The following WDR41 variants were observed in gnomAD, a reference collection of about 807,000 sequenced individuals.
WDR41 encodes the protein WD repeat domain 41.
Under a neutral mutation model 69.3 loss-of-function variants are expected in WDR41, and 63 were observed. The ratio of observed to expected loss-of-function variants is 0.91; its 90% confidence interval spans 0.74 to 1.12. The LOEUF (loss-of-function observed/expected upper bound fraction) is 1.12, where lower values mean the gene tolerates loss of function less well. Ranked by LOEUF, WDR41 falls within the 50% of genes most tolerant of loss-of-function variation. The pLI, the probability that WDR41 is intolerant of heterozygous loss-of-function variation, is 0.00. For missense variants in WDR41, 543 were observed against 534.5 expected (o/e 1.02, Z -0.16); for synonymous variants, 185 against 192.1 (o/e 0.96, Z 0.31).
intron 1 of WDR41, among the ~76,000 whole-genome samples, chr5:77,581,872 G>T (rs748391533): frequency 1.3e-5 from 2 of 152,042 alleles, no homozygotes; most frequent in Non-Finnish European, 2.9e-5. Context: ...ATACATAGCT[G>T]CAAAAGCCCA....
intron 1 of WDR41, among the ~76,000 whole-genome samples, chr5:77,564,159 A>C (rs1445727227): frequency 6.6e-6 from 1 of 152,194 alleles, no homozygotes; most frequent in African/African-American, 2.4e-5. Flanking sequence ...TCCATCCCCT[A>C]AAAGAGACCT....
chr5:77,499,137 A>G (rs561104323), intron 1 of WDR41, among the ~76,000 whole-genome samples: 1 of 152,382 alleles, frequency 6.6e-6, no homozygotes, highest in South Asian at 2.1e-4. Context: ...GAACACAACT[A>G]TAAACCTTGA....
At chr5:77,484,951 G>A (rs13165079) in intron 2 of WDR41, among the ~76,000 whole-genome samples, 334 of 152,300 alleles carry the variant, frequency 2.2e-3, no homozygotes, top group Non-Finnish European at 2.7e-3. Context: ...CCAGGTGCAT[G>A]TTCTTCATGA....
intron 1 of WDR41, among the ~76,000 whole-genome samples, chr5:77,507,495 C>A (rs1483682824): frequency 1.3e-5 from 2 of 152,180 alleles, no homozygotes; most frequent in African/African-American, 4.8e-5. Flanking sequence ...TAGATGAGCA[C>A]TAGCACTAAA....
chr5:77,457,559 T>C (rs1385008023), intron 5 of WDR41, among the ~76,000 whole-genome samples: 2 of 152,132 alleles, frequency 1.3e-5, no homozygotes, highest in Non-Finnish European at 2.9e-5. Context: ...ACTGGATTAA[T>C]GCATATAATA....
In WDR41 at chr5:77,440,931, A is replaced by G. The variant is rs1799134630; in HGVS notation, c.764T>C (p.Met255Thr). 1 of 1,614,056 alleles carries G rather than the reference A, an allele frequency of 6.2e-7. No homozygotes were observed. Among genetic ancestry groups the G allele is most frequent in the African/African-American group, 1.3e-5 (1 of 74,922 alleles). Residue 255 changes from methionine (M) to threonine (T), a missense_variant, in exon 9 of 13, where the codon ATG becomes ACG. Physicochemically the swap from Met to Thr is moderately conservative, Grantham distance 81. Transcript: ENST00000296679. Reference protein sequence around the residue: ...LIIWDALDWTMQAYERNFWDP... With the variant: ...LIIWDALDWTTQAYERNFWDP... Reference sequence around the variant, plus strand: ...CCAGAAGTTGCGTTCATAGGCCTGCATGGTCCAGTCCAGGGCATCCCAGAT... The same window carrying G: ...CCAGAAGTTGCGTTCATAGGCCTGCGTGGTCCAGTCCAGGGCATCCCAGAT...
rs1799146853 is a variant in WDR41, at chr5:77,441,147, A to T, written c.698-150T>A. The T allele has an allele frequency of 1.2e-5, 9 of 720,006 alleles. 1 individual carries two copies. In the East Asian group the frequency reaches 2.5e-4, roughly 20 times the overall value. 44.6% of individuals were successfully genotyped at this position (720,006 alleles called of 1,614,324 possible). ...AAGCCAACAGAAAGATTAATGTAAC[A>T]GAATAAGAAGGCCAGAAATAGACTC... On this transcript the variant is annotated intron_variant, in intron 8 of 12. Transcript: ENST00000296679.
intron 2 of WDR41, among the ~76,000 whole-genome samples, chr5:77,465,478 G>C (rs1346331018): frequency 6.6e-6 from 1 of 152,006 alleles, no homozygotes; most frequent in Admixed American, 6.6e-5. Flanking sequence ...CTGTAGAGTA[G>C]AAGATATTCT....
intron 2 of WDR41, among the ~76,000 whole-genome samples, chr5:77,474,287 G>C (rs554023453): frequency 6.6e-6 from 1 of 152,158 alleles, no homozygotes; most frequent in South Asian, 2.1e-4. Flanking sequence ...GCCTGTTGTG[G>C]GGTGGGGGGA....
In WDR41 at chr5:77,592,230, G is replaced by T. The variant is rs527385313; in HGVS notation, c.42+28249C>A. Among the ~76,000 whole-genome samples, 8 of 152,080 alleles carry T rather than the reference G, an allele frequency of 5.3e-5. No homozygotes were observed. In the South Asian group the frequency reaches 1.7e-3, roughly 32 times the overall value. ...AGTCTTTCATGTCCCTGTACTTAAG[G>T]TATGGCACTATAAGCAGCATATAGT... On this transcript the variant is annotated intron_variant, in intron 1 of 5. Transcript: ENST00000509971.
At chr5:77,530,239 C>T (rs1802507668) in intron 1 of WDR41, among the ~76,000 whole-genome samples, 1 of 151,560 alleles carries the variant, frequency 6.6e-6, no homozygotes, top group Admixed American at 6.6e-5. Flanking sequence ...AATGGTACCC[C>T]TATCCTATTA....
At chr5:77,487,739 T>G (rs543776533) in intron 2 of WDR41, among the ~76,000 whole-genome samples, 1 of 152,260 alleles carries the variant, frequency 6.6e-6, no homozygotes, top group South Asian at 2.1e-4. Context: ...GGAAAGGGGC[T>G]GGCCAAGGTG....
At chr5:77,597,375 T>C (rs1744245883) in intron 1 of WDR41, among the ~76,000 whole-genome samples, 3 of 152,208 alleles carry the variant, frequency 2.0e-5, no homozygotes, top group Non-Finnish European at 2.9e-5. Context: ...CATTTAGCTT[T>C]CCTTACAGTT....
chr5:77,433,323 G>A lies in WDR41; in HGVS notation c.1228-36C>T, dbSNP rs150921932. The A allele has an allele frequency of 1.5e-3, 2,370 of 1,592,142 alleles. 34 individuals are homozygous for A. In the Admixed American group the frequency reaches 0.025, roughly 16 times the overall value. On this transcript the variant is annotated intron_variant, in intron 12 of 12. Transcript: ENST00000296679. ...AATTAAAACTGATTATAGGGACCCCGAAAAGCAGAGAAGTGTCTAATACCA... is the reference window on the plus strand; with the variant it reads ...AATTAAAACTGATTATAGGGACCCCAAAAAGCAGAGAAGTGTCTAATACCA...
At chr5:77,456,531 A>C (rs901200935) in intron 5 of WDR41, among the ~76,000 whole-genome samples, 1 of 152,118 alleles carries the variant, frequency 6.6e-6, no homozygotes, top group Non-Finnish European at 1.5e-5. Context: ...GAATAGAGAC[A>C]GTTTTATGTC....
chr5:77,436,123 C>T, intron 12 of WDR41, 138 bp downstream of exon 12: 1 of 1,142,702 alleles, frequency 8.8e-7, no homozygotes, highest in Non-Finnish European at 1.2e-6. Flanking sequence ...TATAGCCTAT[C>T]CCATTCCATG....
intron 1 of WDR41, among the ~76,000 whole-genome samples, chr5:77,619,335 T>C (rs138426258): frequency 1.3e-5 from 2 of 152,294 alleles, no homozygotes; most frequent in Non-Finnish European, 2.9e-5. Context: ...AGAAAATAGC[T>C]AAACTAATCA....
At chr5:77,501,864 T>G (rs1290190876) in intron 1 of WDR41, among the ~76,000 whole-genome samples, 4 of 152,036 alleles carry the variant, frequency 2.6e-5, no homozygotes, top group African/African-American at 9.7e-5. Context: ...CTACACCCCA[T>G]TGGTAGGTCA....
chr5:77,447,482 C>A (rs1370839948), intron 8 of WDR41, among the ~76,000 whole-genome samples: 1 of 152,296 alleles, frequency 6.6e-6, no homozygotes, highest in Non-Finnish European at 1.5e-5. Context: ...TTTACTACAT[C>A]ACTATTTACA....
Sources: gnomAD v4.1 joint callset for allele counts (sites outside exome capture counted in the v4.1 genomes callset) on GRCh38, gnomAD v4.1.1 for gene constraint, MANE v1.5 for transcripts, NCBI Gene and HGNC (gene_info 2026-07-23, HGNC 2026-07-21) for gene names.